SORCS1: variants seen among roughly 807,000 people sequenced by gnomAD.
The protein encoded by SORCS1 is VPS10 domain-containing receptor SorCS1.
Under a neutral mutation model 146.1 loss-of-function variants are expected in SORCS1, and 60 were observed. The observed-to-expected ratio is 0.41, with a 90% CI of 0.33 to 0.51. The LOEUF (loss-of-function observed/expected upper bound fraction) is 0.51. SORCS1 is among the 20% of genes least tolerant of loss of function. SORCS1 has a pLI of 0.21. For missense variants in SORCS1, 1,352 were observed against 1,487.6 expected, an observed-to-expected ratio of 0.91 and a Z score of 1.50; for synonymous variants, 637 against 584.0, an observed-to-expected ratio of 1.09 and a Z score of -1.31.
intron 1 of SORCS1, among the ~76,000 whole-genome samples, chr10:106,991,322 G>T (rs1956763430): frequency 6.6e-6 from 1 of 152,186 alleles, no homozygotes; most frequent in Admixed American, 6.5e-5. Context: ...TGACATGTTT[G>T]ACAAGCTGGA....
chr10:106,812,967 C>T (rs1328349435), intron 3 of SORCS1, among the ~76,000 whole-genome samples: 8 of 152,006 alleles, frequency 5.3e-5, no homozygotes, highest in Non-Finnish European at 7.4e-5. Flanking sequence ...ATGTAGTGAC[C>T]ATTTCTCAGC....
chr10:106,584,767 A>G (rs1303965254), intron 24 of SORCS1, among the ~76,000 whole-genome samples: 2 of 152,212 alleles, frequency 1.3e-5, no homozygotes, highest in Non-Finnish European at 2.9e-5. Context: ...CAAGTGAAGC[A>G]TTGTTTCTGA....
chr10:107,094,680 C>T (rs1964427770), intron 1 of SORCS1, among the ~76,000 whole-genome samples: 1 of 152,078 alleles, frequency 6.6e-6, no homozygotes, highest in Non-Finnish European at 1.5e-5. Context: ...AAAAAAGGCT[C>T]CATATATCAG....
chr10:106,605,875 A>T (rs1347642863), intron 23 of SORCS1, among the ~76,000 whole-genome samples: 1 of 152,162 alleles, frequency 6.6e-6, no homozygotes, highest in Non-Finnish European at 1.5e-5. Flanking sequence ...GAGGTGGGCC[A>T]TGCCATAATT....
chr10:106,709,687 A>T (rs1854831168), intron 6 of SORCS1, among the ~76,000 whole-genome samples: 1 of 152,026 alleles, frequency 6.6e-6, no homozygotes, highest in African/African-American at 2.4e-5. Flanking sequence ...TGACCTCATG[A>T]TCTGCCTGCC....
intron 1 of SORCS1, among the ~76,000 whole-genome samples, chr10:107,076,205 G>C (rs1025548282): frequency 6.6e-6 from 1 of 152,052 alleles, no homozygotes; most frequent in African/African-American, 2.4e-5. Flanking sequence ...TTAGTACTAT[G>C]AGACTGTATC....
rs562915037 is a variant in SORCS1 at position 107,092,242 on chromosome 10, G to A, written c.558+71727C>T. On this transcript the variant is annotated intron_variant, in intron 1 of 25. Coordinates refer to ENST00000263054, the MANE Select transcript of SORCS1 (RefSeq NM_052918.5). ...AAAGAGAGAGACTCTCAAACTGCAT[G>A]ATACATCCTCTGTGTGATTCTAAGA... Among the ~76,000 whole-genome samples, 3 of 152,308 alleles carry A rather than the reference G, an allele frequency of 2.0e-5. No homozygotes were observed. The South Asian group carries it at 6.2e-4, about 32-fold the overall frequency.
chr10:106,884,296 A>G (rs900259515), intron 2 of SORCS1, among the ~76,000 whole-genome samples: 9 of 152,166 alleles, frequency 5.9e-5, no homozygotes, highest in African/African-American at 2.2e-4. Context: ...TTCCTCTCAA[A>G]TAGAGTGCTG....
chr10:106,698,478 G>C (rs995999526), intron 9 of SORCS1, among the ~76,000 whole-genome samples: 14 of 152,082 alleles, frequency 9.2e-5, no homozygotes, highest in African/African-American at 3.1e-4. Flanking sequence ...TAAGAGTAAC[G>C]AATGGCTAAA....
At chr10:106,930,586 T>C (rs541509800) in intron 2 of SORCS1, among the ~76,000 whole-genome samples, 9 of 152,176 alleles carry the variant, frequency 5.9e-5, no homozygotes, top group Non-Finnish European at 1.0e-4. Flanking sequence ...TTCAAGAAAA[T>C]AGCCAGCTCA....
rs1272075768 is a variant in SORCS1 at position 106,629,224 on chromosome 10, G to A, written c.2640C>T (p.Ala880=). ...QVDNSLGSDS[A]VLYLHVTCPL... ...TACAAGTTACATGTAAGTACAGGAC[G>A]GCGCTGTCAGAACCCAGACTGTTGT... is the stretch of plus-strand genomic sequence containing the variant. Residue 880 remains alanine (A), a synonymous_variant, in exon 19 of 26, where the codon GCC becomes GCT. Coordinates refer to ENST00000263054, the MANE Select transcript of SORCS1 (RefSeq NM_052918.5). 6 of 1,613,750 alleles carry A rather than the reference G, an allele frequency of 3.7e-6. No individual in the cohort carries two copies. The highest frequency in any genetic ancestry group is 2.2e-5 in the East Asian group (1 of 44,834).
chr10:107,047,773 T>C (rs1196571370), intron 1 of SORCS1, among the ~76,000 whole-genome samples: 2 of 151,834 alleles, frequency 1.3e-5, no homozygotes, highest in African/African-American at 2.4e-5. Context: ...CCCAAGCCCA[T>C]CTCTCATACC....
At chr10:106,878,591 A>G (rs1365397095) in intron 2 of SORCS1, among the ~76,000 whole-genome samples, 2 of 132,360 alleles carry the variant, frequency 1.5e-5, no homozygotes, top group African/African-American at 5.7e-5. Flanking sequence ...CAAAACTGAG[A>G]AAAAAATTTG....
intron 1 of SORCS1, among the ~76,000 whole-genome samples, chr10:107,025,817 G>T (rs1482687200): frequency 1.3e-5 from 2 of 152,204 alleles, no homozygotes; most frequent in Non-Finnish European, 2.9e-5. Flanking sequence ...AGCACTTCAG[G>T]AAGGTGCATC....
At chr10:106,810,097 T>C (rs1417552598) in intron 3 of SORCS1, among the ~76,000 whole-genome samples, 3 of 152,164 alleles carry the variant, frequency 2.0e-5, no homozygotes, top group Non-Finnish European at 2.9e-5. Flanking sequence ...GGCACGCGCC[T>C]GTAGTCCCAA....
chr10:106,726,942 C>G (rs1410796619), intron 6 of SORCS1, among the ~76,000 whole-genome samples: 1 of 151,896 alleles, frequency 6.6e-6, no homozygotes, highest in Admixed American at 6.6e-5. Flanking sequence ...AAAAATTAGC[C>G]GGGCGTGGTA....
At chr10:106,884,322 A>G (rs1449021689) in intron 2 of SORCS1, among the ~76,000 whole-genome samples, 1 of 152,206 alleles carries the variant, frequency 6.6e-6, no homozygotes, top group Non-Finnish European at 1.5e-5. Context: ...ACGTAAGATT[A>G]TCTAAGCTAT....
At chr10:106,806,542 G>C (rs1342642959) in intron 3 of SORCS1, among the ~76,000 whole-genome samples, 1 of 102,604 alleles carries the variant, frequency 9.7e-6, no homozygotes, top group African/African-American at 4.0e-5. Context: ...TTGAGATGGA[G>C]TCTTGCACTG....
chr10:107,095,770 G>A (rs1964506689), intron 1 of SORCS1, among the ~76,000 whole-genome samples: 1 of 151,770 alleles, frequency 6.6e-6, no homozygotes. Flanking sequence ...CTAAGTATAG[G>A]GCAGAAATCA....
Sources: gnomAD v4.1 joint callset for allele counts (sites outside exome capture counted in the v4.1 genomes callset) on GRCh38, gnomAD v4.1.1 for gene constraint, MANE v1.5 for transcripts, NCBI Gene and HGNC (gene_info 2026-07-23, HGNC 2026-07-21) for gene names.